Variants in SNTG1 observed in about 807,000 individuals in gnomAD.
SNTG1 encodes the protein syntrophin gamma 1, also known as gamma-1-syntrophin.
A neutral mutation model predicts 74.7 loss-of-function variants in SNTG1; 39 were observed. The ratio of observed to expected loss-of-function variants is 0.52; its 90% confidence interval spans 0.40 to 0.68. The LOEUF is 0.68. SNTG1 is among the 30% of genes least tolerant of loss of function. The probability of loss-of-function intolerance (pLI) is 0.00; values close to 1 mark genes in which losing one functional copy is unlikely to be tolerated. For missense variants in SNTG1, 685 were observed against 609.5 expected (o/e 1.12, Z -1.30); for synonymous variants, 254 against 217.1 (o/e 1.17, Z -1.49).
chr8:50,091,240 A>G (rs2131160720), intron 1 of SNTG1, among the ~76,000 whole-genome samples: 1 of 152,198 alleles, frequency 6.6e-6, no homozygotes, highest in Non-Finnish European at 1.5e-5. Flanking sequence ...TACTACAGTC[A>G]AGGAAATTTA....
chr8:50,304,174 G>C (rs2089777587), intron 2 of SNTG1, among the ~76,000 whole-genome samples: 2 of 152,064 alleles, frequency 1.3e-5, no homozygotes, highest in African/African-American at 4.8e-5. Context: ...TGCATATCTT[G>C]GGTGTGAGTT....
At chr8:50,717,344 A>T (rs1341593924) in intron 17 of SNTG1, among the ~76,000 whole-genome samples, 1 of 152,208 alleles carries the variant, frequency 6.6e-6, no homozygotes, top group Non-Finnish European at 1.5e-5. Flanking sequence ...ACCTTTGCTT[A>T]AATTATCATT....
At chr8:50,710,211 C>T (rs370335082) in intron 17 of SNTG1, among the ~76,000 whole-genome samples, 7 of 152,050 alleles carry the variant, frequency 4.6e-5, no homozygotes, top group African/African-American at 1.7e-4. Context: ...TCAGATTTGG[C>T]CATCTAATGT....
intron 12 of SNTG1, among the ~76,000 whole-genome samples, chr8:50,575,339 A>C (rs548256746): frequency 1.3e-5 from 2 of 152,168 alleles, no homozygotes; most frequent in Non-Finnish European, 2.9e-5. Context: ...TGATTAGTCC[A>C]TTGCAAGGCC....
chr8:50,329,330 A>G (rs1412762220), intron 2 of SNTG1, among the ~76,000 whole-genome samples: 4 of 151,736 alleles, frequency 2.6e-5, no homozygotes, highest in Non-Finnish European at 4.4e-5. Context: ...CCAACTCCAC[A>G]TTTTTCTTCT....
Position 49,950,739 on chromosome 8 carries a change from G to T in SNTG1, c.-103+38508G>T. Among the ~76,000 whole-genome samples, 3 of 152,184 alleles carry T rather than the reference G, an allele frequency of 2.0e-5. 1 individual carries two copies. The Middle Eastern group carries it at 0.01, about 518-fold the overall frequency. On this transcript the variant is annotated intron_variant, in intron 1 of 18. Transcript: ENST00000642720. ...GGGTATGTTTGATCATGTATAAAAC[G>T]TCTAGGCAGCTGGCTTTGATTTGGC... is the stretch of plus-strand genomic sequence containing the variant.
At chr8:50,043,945 C>T (rs543981354) in intron 1 of SNTG1, among the ~76,000 whole-genome samples, 1 of 152,252 alleles carries the variant, frequency 6.6e-6, no homozygotes, top group East Asian at 1.9e-4. Flanking sequence ...AATCAAGAAG[C>T]TTTAAACATC....
intron 18 of SNTG1, among the ~76,000 whole-genome samples, chr8:50,776,539 TC>T (rs2131808697): frequency 6.7e-6 from 1 of 148,368 alleles, no homozygotes; most frequent in Admixed American, 6.8e-5. Context: ...TTTATACTAT[TC>T]TTTATATAAT....
intron 8 of SNTG1, among the ~76,000 whole-genome samples, chr8:50,483,588 A>T (rs1420859111): frequency 6.6e-6 from 1 of 152,144 alleles, no homozygotes; most frequent in Non-Finnish European, 1.5e-5. Flanking sequence ...ATCAAAGGGG[A>T]TGGCATTTAA....
intron 2 of SNTG1, among the ~76,000 whole-genome samples, chr8:50,321,254 C>T (rs1473304392): frequency 6.6e-6 from 1 of 152,054 alleles, no homozygotes; most frequent in Non-Finnish European, 1.5e-5. Context: ...GTGGTATCCT[C>T]TTGCTGAATT....
chr8:50,636,425 A>G (rs1489076254), intron 13 of SNTG1, among the ~76,000 whole-genome samples: 1 of 151,982 alleles, frequency 6.6e-6, no homozygotes, highest in Non-Finnish European at 1.5e-5. Context: ...ACTTTGGCAC[A>G]CGGTAGTAAA....
chr8:50,586,003 A>C (rs16915060), intron 12 of SNTG1, among the ~76,000 whole-genome samples: 1,901 of 152,282 alleles, frequency 0.012, 44 homozygotes, highest in African/African-American at 0.042. Flanking sequence ...ACTTATGAGA[A>C]AGCATCAATG....
intron 1 of SNTG1, among the ~76,000 whole-genome samples, chr8:49,965,989 C>T (rs1228930979): frequency 1.3e-5 from 2 of 152,154 alleles, no homozygotes; most frequent in African/African-American, 4.8e-5. Flanking sequence ...CCTTCATCTA[C>T]CCAACTAAGC....
At chr8:50,370,280 G>C (rs2092237345) in intron 2 of SNTG1, among the ~76,000 whole-genome samples, 1 of 152,142 alleles carries the variant, frequency 6.6e-6, no homozygotes, top group East Asian at 1.9e-4. Context: ...TAAAAATCAG[G>C]TGCAGAATAC....
At chr8:50,424,352 AC>A (rs2131479911) in intron 4 of SNTG1, among the ~76,000 whole-genome samples, 1 of 152,348 alleles carries the variant, frequency 6.6e-6, no homozygotes, top group Admixed American at 6.5e-5. Context: ...GAAAGCCTCA[AC>A]AACAGATGTT....
At chr8:50,508,877 T>A (rs2094036092) in intron 9 of SNTG1, among the ~76,000 whole-genome samples, 1 of 152,226 alleles carries the variant, frequency 6.6e-6, no homozygotes. Flanking sequence ...GGCTGCCTGT[T>A]CACTCTGATG....
chr8:50,754,941 T>C (rs772665515), intron 18 of SNTG1, among the ~76,000 whole-genome samples: 8 of 151,820 alleles, frequency 5.3e-5, no homozygotes, highest in South Asian at 2.1e-4. Context: ...CTTTTTTAAA[T>C]AGACTTTAGT....
chr8:50,626,329 A>G (rs191602208), intron 13 of SNTG1, among the ~76,000 whole-genome samples: 1 of 152,290 alleles, frequency 6.6e-6, no homozygotes, highest in East Asian at 1.9e-4. Flanking sequence ...TCCATAGTTC[A>G]ATTTGAGAAA....
chr8:50,780,323 C>G (rs547116093), intron 18 of SNTG1, among the ~76,000 whole-genome samples: 3 of 152,178 alleles, frequency 2.0e-5, no homozygotes, highest in Non-Finnish European at 2.9e-5. Context: ...GCTGTGAATC[C>G]CTCTGGTCCT....
Sources: gnomAD v4.1 joint callset for allele counts (sites outside exome capture counted in the v4.1 genomes callset) on GRCh38, gnomAD v4.1.1 for gene constraint, MANE v1.5 for transcripts, NCBI Gene and HGNC (gene_info 2026-07-23, HGNC 2026-07-21) for gene names.